The following CREB5 variants were observed in gnomAD, a reference collection of about 807,000 sequenced individuals.
CREB5 encodes cAMP responsive element binding protein 5.
In CREB5, 19 loss-of-function variants were observed where a neutral mutation model predicts 57.1. That is an observed-to-expected ratio of 0.33 (90% CI 0.23 to 0.49). CREB5 has a LOEUF of 0.49. Ranked by LOEUF, CREB5 falls within the 20% of genes least tolerant of loss-of-function variation. The pLI is 0.99. For missense variants in CREB5, 579 were observed against 671.6 expected (o/e 0.86, Z 1.52); for synonymous variants, 238 against 238.3 (o/e 1.00, Z 0.01).
intron 1 of CREB5, among the ~76,000 whole-genome samples, chr7:28,403,413 GC>G (rs1359940663): frequency 6.6e-6 from 1 of 152,092 alleles, no homozygotes; most frequent in Non-Finnish European, 1.5e-5. Flanking sequence ...ACCTTACAGG[GC>G]ATAATAATAT....
Position 28,637,555 on chromosome 7 carries a change from A to G in CREB5, c.464+67018A>G, listed in dbSNP as rs151124053. The stretch of plus-strand genomic sequence containing the variant: ...AGAAGGGGAGGGAGAGATGGTTTAG[A>G]TAGATTAGGTAGGAAAAGCTTTTCT... On this transcript the variant is annotated intron_variant, in intron 5 of 10. Coordinates refer to ENST00000357727, the MANE Select transcript of CREB5 (RefSeq NM_182898.4). 3.1e-3 allele frequency among the ~76,000 whole-genome samples: 477 copies of G among 152,288 alleles called. 3 individuals carry two copies. The highest frequency in any genetic ancestry group is 0.011 in the African/African-American group (450 of 41,562).
chr7:28,704,808 G>A (rs1460070449), intron 5 of CREB5, among the ~76,000 whole-genome samples: 1 of 152,040 alleles, frequency 6.6e-6, no homozygotes, highest in Non-Finnish European at 1.5e-5. Flanking sequence ...GGTTGAAAAG[G>A]CCCTTGAAGA....
At chr7:28,813,993 T>C (rs1365925881) in intron 9 of CREB5, among the ~76,000 whole-genome samples, 3 of 152,204 alleles carry the variant, frequency 2.0e-5, no homozygotes, top group Admixed American at 6.5e-5. Context: ...ATAACCTTCA[T>C]AGGGGAATAC....
chr7:28,490,893 C>T (rs960918628), intron 2 of CREB5, among the ~76,000 whole-genome samples: 8 of 137,084 alleles, frequency 5.8e-5, no homozygotes, highest in Non-Finnish European at 1.2e-4. Flanking sequence ...TGCTGTAAAC[C>T]CTTCTTCTTT....
chr7:28,403,201 T>C (rs1445097431), intron 1 of CREB5, among the ~76,000 whole-genome samples: 2 of 152,298 alleles, frequency 1.3e-5, no homozygotes, highest in Non-Finnish European at 2.9e-5. Context: ...AGGTACCATC[T>C]CCTTCAAATA....
chr7:28,479,252 A>C (rs774110971), intron 1 of CREB5, among the ~76,000 whole-genome samples: 1 of 151,020 alleles, frequency 6.6e-6, no homozygotes, highest in Non-Finnish European at 1.5e-5. Context: ...AGGAGACTCC[A>C]GTGTTGCACA....
intron 1 of CREB5, among the ~76,000 whole-genome samples, chr7:28,356,458 G>C (rs541498159): frequency 6.6e-6 from 1 of 152,304 alleles, no homozygotes; most frequent in East Asian, 1.9e-4. Context: ...CTTAACTAGA[G>C]GTGAAGTGAT....
At chr7:28,398,911 T>C (rs555268391) in intron 1 of CREB5, among the ~76,000 whole-genome samples, 1 of 152,254 alleles carries the variant, frequency 6.6e-6, no homozygotes, top group African/African-American at 2.4e-5. Context: ...AGACAGGGTC[T>C]CACTATGTTG....
rs141991502 is a variant in CREB5 at position 28,755,015 on chromosome 7, G to T, written c.702+30683G>T. 2.4e-3 allele frequency among the ~76,000 whole-genome samples: 362 copies of T among 152,246 alleles called. 2 individuals carry two copies. The highest frequency in any genetic ancestry group is 7.5e-3 in the African/African-American group (310 of 41,544). ...CTCTCTGAACCAAAACTTCAAGAAT[G>T]GGTAAGATTGACTCTTTAAATTAAC... On this transcript the variant is annotated intron_variant, in intron 7 of 10. Coordinates refer to ENST00000357727, the MANE Select transcript of CREB5 (RefSeq NM_182898.4).
chr7:28,602,437 G>A (rs1364332674), intron 5 of CREB5, among the ~76,000 whole-genome samples: 4 of 152,152 alleles, frequency 2.6e-5, no homozygotes, highest in East Asian at 1.9e-4. Flanking sequence ...GTTTGCAAAT[G>A]TCCTTCAGTG....
intron 7 of CREB5, among the ~76,000 whole-genome samples, chr7:28,729,515 G>A (rs747653415): frequency 1.3e-5 from 2 of 152,160 alleles, no homozygotes; most frequent in South Asian, 4.1e-4. Flanking sequence ...CTGGATAACT[G>A]TTTGCCTACG....
At chr7:28,467,079 T>C (rs1047140565) in intron 1 of CREB5, among the ~76,000 whole-genome samples, 11 of 152,158 alleles carry the variant, frequency 7.2e-5, no homozygotes, top group Non-Finnish European at 1.6e-4. Flanking sequence ...GCCTGTCAAG[T>C]GTAGAGACAC....
At chr7:28,496,100 T>G (rs954237589) in intron 3 of CREB5, among the ~76,000 whole-genome samples, 1 of 152,178 alleles carries the variant, frequency 6.6e-6, no homozygotes, top group Admixed American at 6.5e-5. Flanking sequence ...TGGGAATGAT[T>G]GTGTCTGCCA....
chr7:28,433,271 T>C (rs1265478488), intron 1 of CREB5, among the ~76,000 whole-genome samples: 1 of 152,228 alleles, frequency 6.6e-6, no homozygotes, highest in East Asian at 1.9e-4. Context: ...GGCTATGCAA[T>C]AGTGCCTATC....
intron 5 of CREB5, among the ~76,000 whole-genome samples, chr7:28,672,214 CAA>C (rs1491272311): frequency 6.6e-6 from 1 of 151,488 alleles, no homozygotes; most frequent in East Asian, 1.9e-4. Flanking sequence ...CACACACACA[CAA>C]ACACTGGACT....
intron 5 of CREB5, among the ~76,000 whole-genome samples, chr7:28,680,676 T>G (rs966803750): frequency 7.2e-5 from 11 of 151,876 alleles, no homozygotes; most frequent in African/African-American, 2.4e-4. Context: ...GGGGAATCAT[T>G]TGAGCCCAGG....
intron 4 of CREB5, among the ~76,000 whole-genome samples, chr7:28,523,357 G>A (rs938757033): frequency 6.6e-5 from 10 of 152,186 alleles, no homozygotes; most frequent in African/African-American, 1.9e-4. Flanking sequence ...CTCCCATTAT[G>A]TTCTCCCAAT....
chr7:28,537,491 G>T lies in CREB5; in HGVS notation c.291+29754G>T, dbSNP rs191580119. 6.7e-4 allele frequency among the ~76,000 whole-genome samples: 102 copies of T among 152,264 alleles called. No homozygotes were observed. The Middle Eastern group carries it at 0.01, about 15-fold the overall frequency. ...AAATGCCTCAGAAATGGACATGGAG[G>T]TGTACAAAGATGGGAGATGGCAGAG... On this transcript the variant is annotated intron_variant, in intron 4 of 10. Transcript: ENST00000357727.
At chr7:28,414,784 A>G (rs1378367079) in intron 1 of CREB5, among the ~76,000 whole-genome samples, 1 of 148,772 alleles carries the variant, frequency 6.7e-6, no homozygotes, top group Admixed American at 6.7e-5. Context: ...TAACATAGGA[A>G]TTTTTTTTTT....
Sources: gnomAD v4.1 joint callset for allele counts (sites outside exome capture counted in the v4.1 genomes callset) on GRCh38, gnomAD v4.1.1 for gene constraint, MANE v1.5 for transcripts, NCBI Gene and HGNC (gene_info 2026-07-23, HGNC 2026-07-21) for gene names.